Variants in SH2D4A observed in about 807,000 individuals in gnomAD.
SH2D4A encodes SH2 domain-containing protein 4A.
In SH2D4A, 70 loss-of-function variants were observed where a neutral mutation model predicts 64.7. The observed-to-expected ratio is 1.08, with a 90% CI of 0.89 to 1.32. SH2D4A has a LOEUF of 1.32. SH2D4A is among the 40% of genes most tolerant of loss of function. The pLI, the probability that SH2D4A is intolerant of heterozygous loss-of-function variation, is 0.00. For missense variants in SH2D4A, 706 were observed against 540.1 expected (o/e 1.31, Z -3.04); for synonymous variants, 268 against 200.7 (o/e 1.34, Z -2.83).
In SH2D4A at chr8:19,369,330, T is replaced by G. The variant is rs182024883; in HGVS notation, c.918-4200T>G. On this transcript the variant is annotated intron_variant, in intron 7 of 9. Coordinates refer to ENST00000265807, the MANE Select transcript of SH2D4A (RefSeq NM_022071.4). ...GTTGTGTCTTTGTCTGGTTTTGATA[T>G]CAAGGTAATGCTGACTTCATAGAAT... is the stretch of plus-strand genomic sequence containing the variant. Among the ~76,000 whole-genome samples the G allele has an allele frequency of 1.6e-3, 251 of 152,248 alleles. 1 individual carries two copies. The highest frequency in any genetic ancestry group is 5.8e-3 in the African/African-American group (240 of 41,586).
chr8:19,353,709 A>C (rs13279141), intron 4 of SH2D4A, among the ~76,000 whole-genome samples: 29,802 of 142,272 alleles, frequency 0.21, 3,560 homozygotes, highest in African/African-American at 0.29. Context: ...AAAGGAAATA[A>C]CTTTTGGATC....
intron 8 of SH2D4A, among the ~76,000 whole-genome samples, chr8:19,384,909 T>C (rs1304414225): frequency 6.6e-6 from 1 of 152,232 alleles, no homozygotes; most frequent in Non-Finnish European, 1.5e-5. Flanking sequence ...AAAAGAAATC[T>C]GTGTATAAAC....
chr8:19,377,387 G>C (rs942706178), intron 8 of SH2D4A, among the ~76,000 whole-genome samples: 2 of 152,084 alleles, frequency 1.3e-5, no homozygotes, highest in African/African-American at 4.8e-5. Context: ...TCTCAGAAAA[G>C]AAAATCTGCC....
rs76645226 is a variant in SH2D4A, at chr8:19,342,632, C to T, written c.513+7775C>T. On this transcript the variant is annotated intron_variant, in intron 4 of 9. Transcript: ENST00000265807. Reference sequence around the variant, plus strand: ...TGTTCCGAGTGGGGGGATCCTGTTCCGAGGGCAATGGTTTGATTCACAGGG... The same window carrying T: ...TGTTCCGAGTGGGGGGATCCTGTTCTGAGGGCAATGGTTTGATTCACAGGG... Among the ~76,000 whole-genome samples, 799 of 152,194 alleles carry T rather than the reference C, an allele frequency of 5.2e-3. 10 individuals are homozygous for T. The highest frequency in any genetic ancestry group is 0.018 in the African/African-American group (759 of 41,518).
chr8:19,314,308 C>T (rs2052048302), intron 1 of SH2D4A, among the ~76,000 whole-genome samples: 1 of 152,164 alleles, frequency 6.6e-6, no homozygotes, highest in African/African-American at 2.4e-5. Context: ...GGAAATCTTC[C>T]AGGAGGGAAG....
intron 8 of SH2D4A, among the ~76,000 whole-genome samples, chr8:19,379,559 G>A (rs897873237): frequency 6.6e-6 from 1 of 152,122 alleles, no homozygotes; most frequent in Non-Finnish European, 1.5e-5. Flanking sequence ...GGATTATAGG[G>A]TAATTCTACG....
At position 19,364,105 on chromosome 8, in the gene SH2D4A, G is replaced by A. The variant is rs763128857; in HGVS notation, c.740G>A (p.Arg247His). ...RKSKAADEKR[R>H]SLAKQAREDY... ...TCCAAAGCAGCTGATGAGAAGAGAC[G>A]CTCCTTGGCTAAACAAGCACGAGAA... The change falls in exon 7 of 10, where the codon CGC (arginine) becomes CAC (histidine). Residue 247 changes from arginine (R) to histidine (H), a missense_variant. Physicochemically the swap from Arg to His is conservative, Grantham distance 29 (BLOSUM62 0). Coordinates refer to ENST00000265807, the MANE Select transcript of SH2D4A (RefSeq NM_022071.4). 8 of 1,613,960 alleles carry A rather than the reference G, an allele frequency of 5.0e-6. No homozygotes were observed. Among genetic ancestry groups the A allele is most frequent in the Non-Finnish European group, 5.1e-6 (6 of 1,179,918 alleles).
At chr8:19,324,338 C>G (rs115355665) in intron 2 of SH2D4A, among the ~76,000 whole-genome samples, 87 of 152,342 alleles carry the variant, frequency 5.7e-4, no homozygotes, top group African/African-American at 2.0e-3. Flanking sequence ...TGGATTCATA[C>G]AGCTTTTTTT....
intron 8 of SH2D4A, among the ~76,000 whole-genome samples, chr8:19,374,185 CAGTATGTAGTTG>C (rs2053157270): frequency 6.6e-6 from 1 of 152,130 alleles, no homozygotes; most frequent in African/African-American, 2.4e-5. Context: ...TCCTTGCTTC[CAGTATGTAGTTG>C]AGTGTGTAAC....
chr8:19,332,373 C>T (rs2052375426), intron 2 of SH2D4A, among the ~76,000 whole-genome samples: 1 of 152,160 alleles, frequency 6.6e-6, no homozygotes. Flanking sequence ...CAGTGACTCA[C>T]ACCTGTAATC....
At chr8:19,371,863 G>A (rs1034811467) in intron 7 of SH2D4A, among the ~76,000 whole-genome samples, 6 of 151,600 alleles carry the variant, frequency 4.0e-5, no homozygotes, top group Non-Finnish European at 7.4e-5. Context: ...TGCATTTTTC[G>A]GCTCCAGGAT....
At chr8:19,321,814 CA>C (rs769589750) in intron 2 of SH2D4A, among the ~76,000 whole-genome samples, 3 of 152,228 alleles carry the variant, frequency 2.0e-5, no homozygotes. Context: ...GGGTTCTTGC[CA>C]CTAGAGTCAA....
chr8:19,342,486 G>C (rs2052544204), intron 4 of SH2D4A, among the ~76,000 whole-genome samples: 1 of 152,242 alleles, frequency 6.6e-6, no homozygotes, highest in South Asian at 2.1e-4. Context: ...ATTTGCCTTA[G>C]TGCTGGTCAT....
chr8:19,348,994 T>C (rs1428257058), intron 4 of SH2D4A, among the ~76,000 whole-genome samples: 2 of 152,020 alleles, frequency 1.3e-5, no homozygotes, highest in African/African-American at 4.8e-5. Context: ...TAAATAGAGA[T>C]CATGTGCTTC....
At position 19,340,571 on chromosome 8, in the gene SH2D4A, C is replaced by T. The variant is rs117319747; in HGVS notation, c.513+5714C>T. 2.0e-3 allele frequency among the ~76,000 whole-genome samples: 296 copies of T among 148,846 alleles called. 1 individual carries two copies. The South Asian group carries it at 0.049, about 25-fold the overall frequency. On this transcript the variant is annotated intron_variant, in intron 4 of 9. Transcript: ENST00000265807. ...TGCAGAAGTGGTAGTGGTGGATACA[C>T]GCTGATTTTGTTCTTTTCTTTCTTT...
chr8:19,359,278 A>T (rs2153647930), intron 5 of SH2D4A, among the ~76,000 whole-genome samples: 1 of 152,308 alleles, frequency 6.6e-6, no homozygotes, highest in Non-Finnish European at 1.5e-5. Flanking sequence ...TGCAGATTAA[A>T]GGAGTAGATT....
chr8:19,390,758 T>G (rs2053479246), intron 8 of SH2D4A, among the ~76,000 whole-genome samples: 1 of 152,180 alleles, frequency 6.6e-6, no homozygotes, highest in Non-Finnish European at 1.5e-5. Flanking sequence ...TCAACATGAT[T>G]GATTGGGTCC....
intron 7 of SH2D4A, among the ~76,000 whole-genome samples, chr8:19,366,622 C>T (rs887906503): frequency 1.3e-4 from 20 of 152,088 alleles, no homozygotes; most frequent in Non-Finnish European, 2.4e-4. Context: ...TGGTGAAACC[C>T]CGTATTTACT....
intron 8 of SH2D4A, among the ~76,000 whole-genome samples, chr8:19,386,365 T>C (rs965663837): frequency 2.6e-5 from 4 of 152,244 alleles, no homozygotes; most frequent in Non-Finnish European, 5.9e-5. Context: ...TGGAAGAAGC[T>C]GACTTTTCTC....
Sources: allele counts gnomAD v4.1 joint callset (sites outside exome capture counted in the v4.1 genomes callset), GRCh38; gene constraint gnomAD v4.1.1; transcripts MANE v1.5; gene names NCBI Gene and HGNC (gene_info 2026-07-23, HGNC 2026-07-21).